The following PARD3B variants were observed in gnomAD, a reference collection of about 807,000 sequenced individuals.
The protein encoded by PARD3B is par-3 family cell polarity regulator beta, also known as partitioning defective 3 homolog B.
In PARD3B, 103 loss-of-function variants were observed where a neutral mutation model predicts 130.2. The ratio of observed to expected loss-of-function variants is 0.79; its 90% confidence interval spans 0.67 to 0.93. PARD3B has a LOEUF of 0.93. Ranked by LOEUF, PARD3B falls within the 40% of genes least tolerant of loss-of-function variation. The pLI is 0.00. For synonymous variants in PARD3B, 583 were observed against 553.2 expected, an observed-to-expected ratio of 1.05 and a Z score of -0.76; for missense variants, 1,609 against 1,499.2, an observed-to-expected ratio of 1.07 and a Z score of -1.21.
At chr2:205,486,962 T>TTCA (rs2049468180) in intron 20 of PARD3B, among the ~76,000 whole-genome samples, 1 of 152,154 alleles carries the variant, frequency 6.6e-6, no homozygotes, top group African/African-American at 2.4e-5. Context: ...TCAGAACATG[T>TTCA]TCATAAATTC....
At chr2:204,790,528 T>G in intron 2 of PARD3B, among the ~76,000 whole-genome samples, 1 of 152,188 alleles carries the variant, frequency 6.6e-6, no homozygotes, top group Admixed American at 6.5e-5. Context: ...TGGGTGCTGA[T>G]GTTTACATTC....
intron 1 of PARD3B, among the ~76,000 whole-genome samples, chr2:204,676,646 T>A (rs1370966296): frequency 6.7e-6 from 1 of 148,278 alleles, no homozygotes; most frequent in African/African-American, 2.5e-5. Flanking sequence ...TTACCATACA[T>A]CCCATTCTAC....
At chr2:205,089,159 CT>C (rs1559426024) in intron 4 of PARD3B, among the ~76,000 whole-genome samples, 1 of 125,086 alleles carries the variant, frequency 8.0e-6, no homozygotes, top group Admixed American at 8.1e-5. Flanking sequence ...TTTTTTTTTT[CT>C]TTTTTTCTTT....
chr2:205,348,676 G>A (rs2043883944), intron 18 of PARD3B, among the ~76,000 whole-genome samples: 1 of 152,192 alleles, frequency 6.6e-6, no homozygotes, highest in African/African-American at 2.4e-5. Context: ...TAGAACTCTG[G>A]AAATAATAGA....
intron 3 of PARD3B, among the ~76,000 whole-genome samples, chr2:205,000,593 C>G (rs1408728591): frequency 6.6e-6 from 1 of 152,118 alleles, no homozygotes; most frequent in Non-Finnish European, 1.5e-5. Flanking sequence ...AATTGATTAA[C>G]TTACTAAGAT....
intron 1 of PARD3B, among the ~76,000 whole-genome samples, chr2:204,600,334 T>A (rs1362262855): frequency 6.6e-6 from 1 of 151,942 alleles, no homozygotes; most frequent in Non-Finnish European, 1.5e-5. Context: ...TTAATCCATT[T>A]TGAGTTGATT....
intron 1 of PARD3B, among the ~76,000 whole-genome samples, chr2:204,605,756 T>G (rs1197813767): frequency 1.3e-5 from 2 of 152,182 alleles, no homozygotes; most frequent in Admixed American, 6.5e-5. Context: ...TGGGTGATTA[T>G]AAGAGTTAAT....
intron 4 of PARD3B, among the ~76,000 whole-genome samples, chr2:205,052,419 G>GTATATATATATATATATA (rs869192541): frequency 2.5e-5 from 1 of 39,764 alleles, no homozygotes; most frequent in African/African-American, 9.3e-5. Flanking sequence ...ATATATATAT[G>GTATATATATATATATATA]TATATATATA....
At chr2:204,687,551 GA>G (rs1488352729) in intron 2 of PARD3B, among the ~76,000 whole-genome samples, 2 of 152,066 alleles carry the variant, frequency 1.3e-5, no homozygotes, top group Admixed American at 1.3e-4. Context: ...ATTAATGAGT[GA>G]AAAAGACAGC....
At chr2:205,474,829 A>T (rs2106269232) in intron 20 of PARD3B, among the ~76,000 whole-genome samples, 1 of 152,124 alleles carries the variant, frequency 6.6e-6, no homozygotes, top group Admixed American at 6.5e-5. Context: ...TTTACCCTTT[A>T]CTAATTTGAT....
chr2:204,863,370 T>C (rs1185452007), intron 2 of PARD3B, among the ~76,000 whole-genome samples: 1 of 152,180 alleles, frequency 6.6e-6, no homozygotes, highest in East Asian at 1.9e-4. Flanking sequence ...AGTCGTACTC[T>C]CAGCCCCTGT....
At chr2:204,784,782 T>C (rs1267083319) in intron 2 of PARD3B, among the ~76,000 whole-genome samples, 1 of 152,224 alleles carries the variant, frequency 6.6e-6, no homozygotes, top group Non-Finnish European at 1.5e-5. Flanking sequence ...TAACTACTTA[T>C]TTGTTACCCA....
intron 3 of PARD3B, among the ~76,000 whole-genome samples, chr2:205,001,612 C>T (rs1291993119): frequency 6.6e-6 from 1 of 152,182 alleles, no homozygotes; most frequent in Admixed American, 6.5e-5. Context: ...TGGGTGGTCT[C>T]AAACAGGCAG....
At chr2:205,498,481 T>C (rs1988085) in intron 20 of PARD3B, among the ~76,000 whole-genome samples, 142,387 of 151,740 alleles carry the variant, frequency 0.94, 67,464 homozygotes, top group East Asian at 1. Flanking sequence ...CAGCCTGGGC[T>C]ACAGAGCAAG....
chr2:204,809,228 T>A (rs2042879770), intron 2 of PARD3B, among the ~76,000 whole-genome samples: 2 of 152,242 alleles, frequency 1.3e-5, no homozygotes, highest in Middle Eastern at 3.4e-3. Flanking sequence ...CTGCAGGTTG[T>A]CTGTTTACTC....
At chr2:205,542,770 A>G (rs545306047) in intron 21 of PARD3B, among the ~76,000 whole-genome samples, 2 of 152,188 alleles carry the variant, frequency 1.3e-5, no homozygotes, top group Non-Finnish European at 2.9e-5. Context: ...CAGTTACATA[A>G]TTTAGATTCC....
chr2:204,709,209 C>T (rs1023887349), intron 2 of PARD3B, among the ~76,000 whole-genome samples: 1 of 152,078 alleles, frequency 6.6e-6, no homozygotes, highest in African/African-American at 2.4e-5. Flanking sequence ...TAATTTGATA[C>T]AAAGTTCTGA....
At chr2:204,897,626 T>C (rs1406297911) in intron 2 of PARD3B, among the ~76,000 whole-genome samples, 1 of 152,126 alleles carries the variant, frequency 6.6e-6, no homozygotes, top group Admixed American at 6.5e-5. Flanking sequence ...ACCAGGATAT[T>C]GACAGTGATA....
At chr2:205,304,499 G>C (rs372272801) in intron 18 of PARD3B, among the ~76,000 whole-genome samples, 1 of 152,046 alleles carries the variant, frequency 6.6e-6, no homozygotes, top group African/African-American at 2.4e-5. Context: ...GCCGGGCGTG[G>C]TGGTGCATGC....
Sources: allele counts gnomAD v4.1 joint callset (sites outside exome capture counted in the v4.1 genomes callset), GRCh38; gene constraint gnomAD v4.1.1; transcripts MANE v1.5; gene names NCBI Gene and HGNC (gene_info 2026-07-23, HGNC 2026-07-21).